The following KCNIP4 variants were observed in gnomAD, a reference collection of about 807,000 sequenced individuals.
The protein encoded by KCNIP4 is Kv channel-interacting protein 4.
KCNIP4 carries 12 observed loss-of-function variants against 34.0 expected under a neutral mutation model. That is an observed-to-expected ratio of 0.35 (90% CI 0.23 to 0.57). The LOEUF (loss-of-function observed/expected upper bound fraction) is 0.57. Ranked by LOEUF, KCNIP4 falls within the 20% of genes least tolerant of loss-of-function variation. The pLI is 0.83. For synonymous variants in KCNIP4, 124 were observed against 102.2 expected (o/e 1.21, Z -1.29); for missense variants, 238 against 311.7 (o/e 0.76, Z 1.78).
intron 1 of KCNIP4, among the ~76,000 whole-genome samples, chr4:21,509,936 G>A (rs191619641): frequency 2.6e-5 from 4 of 152,008 alleles, no homozygotes; most frequent in Non-Finnish European, 5.9e-5. Context: ...TGGCCAACAT[G>A]GTGAAACCCT....
chr4:21,087,146 A>ATGTGTATGTGTGTG (rs1553935808), intron 1 of KCNIP4, among the ~76,000 whole-genome samples: 43 of 110,930 alleles, frequency 3.9e-4, no homozygotes, highest in African/African-American at 1.6e-3. Flanking sequence ...CTGCTGGGTA[A>ATGTGTATGTGTGTG]TGTGTGTGTG....
At chr4:21,266,394 C>G (rs1577989474) in intron 1 of KCNIP4, among the ~76,000 whole-genome samples, 1 of 144,552 alleles carries the variant, frequency 6.9e-6, no homozygotes, top group East Asian at 2.1e-4. Flanking sequence ...AACAAAATGC[C>G]AAGGAAACAA....
intron 1 of KCNIP4, among the ~76,000 whole-genome samples, chr4:21,212,272 G>A (rs974685856): frequency 3.3e-5 from 5 of 152,190 alleles, no homozygotes; most frequent in Admixed American, 1.3e-4. Context: ...CTGCTTCTAA[G>A]TTGTCTTAAT....
intron 1 of KCNIP4, among the ~76,000 whole-genome samples, chr4:21,603,188 AC>A (rs2109125278): frequency 6.6e-6 from 1 of 152,228 alleles, no homozygotes; most frequent in African/African-American, 2.4e-5. Context: ...TTATTTACTA[AC>A]TTTGCAGTTG....
intron 1 of KCNIP4, among the ~76,000 whole-genome samples, chr4:21,025,551 T>TTTTTG (rs1560656452): frequency 4.6e-5 from 3 of 65,452 alleles, no homozygotes; most frequent in Non-Finnish European, 6.1e-5. Context: ...CTGTTTTTTT[T>TTTTTG]TTTTTTTTTT....
chr4:21,399,899 C>T (rs1159727468), intron 1 of KCNIP4, among the ~76,000 whole-genome samples: 1 of 151,964 alleles, frequency 6.6e-6, no homozygotes, highest in East Asian at 1.9e-4. Flanking sequence ...GGAGAGAGAC[C>T]CATGACAATA....
rs536706396 is a variant in KCNIP4, at chr4:21,253,436, G to T, written c.62-370727C>A. Reference sequence around the variant, plus strand: ...TTATGGCCATATTTGACACAGAACAGAACTAATTCATTCAAACTCCTTGTT... The same window carrying T: ...TTATGGCCATATTTGACACAGAACATAACTAATTCATTCAAACTCCTTGTT... On this transcript the variant is annotated intron_variant, in intron 1 of 8. Coordinates refer to ENST00000382152, the MANE Select transcript of KCNIP4 (RefSeq NM_025221.6). Among the ~76,000 whole-genome samples the T allele has an allele frequency of 3.9e-5, 6 of 152,296 alleles. No homozygotes were observed. The South Asian group carries it at 8.3e-4, about 21-fold the overall frequency.
intron 1 of KCNIP4, among the ~76,000 whole-genome samples, chr4:21,115,746 T>C (rs964094427): frequency 6.6e-6 from 1 of 152,212 alleles, no homozygotes; most frequent in Admixed American, 6.5e-5. Context: ...CTTAGTAAAG[T>C]AATTCTGGTC....
intron 1 of KCNIP4, among the ~76,000 whole-genome samples, chr4:21,305,207 C>A (rs377008870): frequency 9.2e-5 from 14 of 152,216 alleles, no homozygotes; most frequent in African/African-American, 2.9e-4. Flanking sequence ...AAAGGCAGAG[C>A]AGGATAGAAT....
At chr4:21,871,929 C>T (rs1725845568) in intron 1 of KCNIP4, among the ~76,000 whole-genome samples, 1 of 151,882 alleles carries the variant, frequency 6.6e-6, no homozygotes. Context: ...GCTGCAAAAC[C>T]ACACTGCAGT....
intron 3 of KCNIP4, among the ~76,000 whole-genome samples, chr4:20,838,354 A>C (rs145343487): frequency 1.3e-5 from 2 of 152,332 alleles, no homozygotes; most frequent in African/African-American, 4.8e-5. Context: ...GGATTAGCTG[A>C]ATCTAAGGAA....
rs1285582684 is a variant in KCNIP4, at chr4:21,435,174, CA to C, written c.61+513396del. 6.6e-5 allele frequency among the ~76,000 whole-genome samples: 10 copies of C among 152,006 alleles called. No individual in the cohort carries two copies. In the South Asian group the frequency reaches 2.1e-3, roughly 32 times the overall value. On this transcript the variant is annotated intron_variant, in intron 1 of 8. Transcript: ENST00000382152. ...GATGGGGAGAAGGTAAGGAGAGGAGCAAAAAACTTAAATTGTTTTGATATAG... is the reference window on the plus strand; with the variant it reads ...GATGGGGAGAAGGTAAGGAGAGGAGCAAAAACTTAAATTGTTTTGATATAG...
At chr4:21,361,692 CTT>C (rs74773577) in intron 1 of KCNIP4, among the ~76,000 whole-genome samples, 1 of 149,746 alleles carries the variant, frequency 6.7e-6, no homozygotes, top group Non-Finnish European at 1.5e-5. Flanking sequence ...TTTCATTCTC[CTT>C]TTTTTTTCCC....
intron 3 of KCNIP4, among the ~76,000 whole-genome samples, chr4:20,805,776 T>A (rs925635330): frequency 6.6e-6 from 1 of 152,148 alleles, no homozygotes; most frequent in African/African-American, 2.4e-5. Context: ...TAAATCTTTC[T>A]TTCCTCAGAG....
intron 1 of KCNIP4, among the ~76,000 whole-genome samples, chr4:21,622,843 A>T (rs939511890): frequency 2.0e-5 from 3 of 152,192 alleles, no homozygotes; most frequent in Admixed American, 6.5e-5. Context: ...AGGGCAGGTT[A>T]TACTTCACAA....
chr4:21,234,250 A>G (rs1180320545), intron 1 of KCNIP4, among the ~76,000 whole-genome samples: 6 of 119,556 alleles, frequency 5.0e-5, no homozygotes, highest in South Asian at 5.6e-4. Flanking sequence ...TATAACATAT[A>G]TTATATATAA....
chr4:21,853,778 A>G (rs1054116137), intron 1 of KCNIP4, among the ~76,000 whole-genome samples: 2 of 152,222 alleles, frequency 1.3e-5, no homozygotes, highest in Admixed American at 1.3e-4. Flanking sequence ...AAGGTTAAGC[A>G]TGAAGATAAC....
rs560266228 is a variant in KCNIP4 at position 21,394,617 on chromosome 4, G to A, written c.62-511908C>T. Among the ~76,000 whole-genome samples the A allele has an allele frequency of 4.6e-5, 7 of 152,150 alleles. No individual in the cohort carries two copies. In the East Asian group the frequency reaches 1.2e-3, roughly 25 times the overall value. Reference sequence around the variant, plus strand: ...TTAAAAAGCTAACTGTCATAGGCTCGAACAAGAGCAATATACACTGGGAAA... The same window carrying A: ...TTAAAAAGCTAACTGTCATAGGCTCAAACAAGAGCAATATACACTGGGAAA... On this transcript the variant is annotated intron_variant, in intron 1 of 8. Coordinates refer to ENST00000382152, the MANE Select transcript of KCNIP4 (RefSeq NM_025221.6).
At chr4:21,540,660 T>C (rs1312604408) in intron 1 of KCNIP4, among the ~76,000 whole-genome samples, 1 of 152,164 alleles carries the variant, frequency 6.6e-6, no homozygotes, top group Non-Finnish European at 1.5e-5. Flanking sequence ...GTAACTCCTG[T>C]AGAAAGAAAA....
Sources: gnomAD v4.1 joint callset for allele counts (sites outside exome capture counted in the v4.1 genomes callset) on GRCh38, gnomAD v4.1.1 for gene constraint, MANE v1.5 for transcripts, NCBI Gene and HGNC (gene_info 2026-07-23, HGNC 2026-07-21) for gene names.